Variants in SNAPC4 observed in about 807,000 individuals in gnomAD.
SNAPC4 encodes small nuclear RNA activating complex polypeptide 4, also known as snRNA-activating protein complex subunit 4.
A neutral mutation model predicts 151.3 loss-of-function variants in SNAPC4; 127 were observed. That is an observed-to-expected ratio of 0.84 (90% CI 0.73 to 0.97). SNAPC4 has a LOEUF of 0.97. SNAPC4 is among the 50% of genes least tolerant of loss of function. The probability of loss-of-function intolerance (pLI) is 0.00; values close to 1 mark genes in which losing one functional copy is unlikely to be tolerated. For missense variants in SNAPC4, 2,186 were observed against 1,935.0 expected, an observed-to-expected ratio of 1.13 and a Z score of -2.43; for synonymous variants, 1,002 against 824.4, an observed-to-expected ratio of 1.22 and a Z score of -3.69.
At chr9:136,386,338 CG>C (rs1255974928) in intron 13 of SNAPC4, among the ~76,000 whole-genome samples, 2 of 151,692 alleles carry the variant, frequency 1.3e-5, no homozygotes, top group Admixed American at 1.3e-4. Flanking sequence ...ATGGCTTTTT[CG>C]GGTGATGAAA....
rs769836349 is a variant in SNAPC4 at position 136,381,970 on chromosome 9, G to A, written c.2171C>T (p.Thr724Ile). ...TCTCCAGCGCCGCTGCCCACTCTGG[G>A]TGGCTCTGTGCCGTAGCCACTGCAC... The part of the protein sequence containing the change: ...SHVQWLRHRA[T>I]QSGQRRWRHA... Residue 724 changes from threonine to isoleucine, a missense_variant, in exon 18 of 24, where the codon ACC becomes ATC. Physicochemically the swap from Thr to Ile is moderately conservative, Grantham distance 89. Transcript: ENST00000684778. 3.4e-5 allele frequency: 54 copies of A among 1,611,674 alleles called. No homozygotes were observed. The highest frequency in any genetic ancestry group is 4.5e-5 in the Non-Finnish European group (53 of 1,179,838).
intron 13 of SNAPC4, among the ~76,000 whole-genome samples, 183 bp downstream of exon 13, chr9:136,387,302 G>A (rs1331792202): frequency 1.3e-5 from 2 of 152,182 alleles, no homozygotes; most frequent in Non-Finnish European, 2.9e-5. Flanking sequence ...AGCTCAGCCG[G>A]GCCAACCCTG....
Position 136,377,682 on chromosome 9 carries a change from G to T in SNAPC4, c.4145C>A (p.Ala1382Asp). Residue 1382 changes from alanine (A) to aspartate (D), a missense_variant, in exon 22 of 24, where the codon GCC (alanine) becomes GAC (aspartate). Transcript: ENST00000684778. ...GAGGGTGGTGCGGACGCCTTGGGGG[G>T]CCAGGGTGGCCAGGAGCGCAGGGAG... Reference protein sequence around the residue: ...FTLPALLATLAPQGVRTTLSV... With the variant: ...FTLPALLATLDPQGVRTTLSV... 1 of 1,607,806 alleles carries T rather than the reference G, an allele frequency of 6.2e-7. No individual in the cohort carries two copies. The highest frequency in any genetic ancestry group is 8.5e-7 in the Non-Finnish European group (1 of 1,176,740).
At chr9:136,381,517 AG>A in intron 18 of SNAPC4, 125 bp from the exon 19 acceptor site, 1 of 882,366 alleles carries the variant, frequency 1.1e-6, no homozygotes, top group South Asian at 1.5e-5. Context: ...CCAGGGTGGG[AG>A]GGGAGGCCTT....
chr9:136,390,840 A>T (rs75564867), intron 10 of SNAPC4, among the ~76,000 whole-genome samples: 3,581 of 145,442 alleles, frequency 0.025, 51 homozygotes, highest in African/African-American at 0.03. Context: ...TTATTTATTT[A>T]TTTTTTTTTT....
At position 136,397,040 on chromosome 9, in the gene SNAPC4, C is replaced by CAT. The variant is rs761803035; in HGVS notation, c.131-18_131-17insAT. The CAT allele has an allele frequency of 6.2e-7, 1 of 1,611,568 alleles. No individual in the cohort carries two copies. The highest frequency in any genetic ancestry group is 1.1e-5 in the South Asian group (1 of 91,040). On this transcript the variant is annotated splice_polypyrimidine_tract_variant and intron_variant, in intron 2 of 23. Transcript: ENST00000684778. ...GCAGTGAATCTGTCAGAAACACAAG[C>CAT]AACACCGTGTTGGTAACCAGCGTCT...
chr9:136,390,709 C>G (rs1834040811), intron 10 of SNAPC4, among the ~76,000 whole-genome samples: 1 of 151,632 alleles, frequency 6.6e-6, no homozygotes, highest in Admixed American at 6.6e-5. Context: ...ACACACAGCC[C>G]TGAACTCAAA....
At chr9:136,387,610 C>T in intron 12 of SNAPC4, 31 bp from the exon 13 acceptor site, 1 of 1,545,144 alleles carries the variant, frequency 6.5e-7, no homozygotes, top group Non-Finnish European at 9.0e-7. Context: ...ACAAGTGAAG[C>T]CTCTGCAGGT....
chr9:136,385,690 G>A (rs1437533555), intron 13 of SNAPC4, among the ~76,000 whole-genome samples: 27 of 151,936 alleles, frequency 1.8e-4, no homozygotes, highest in Admixed American at 1.8e-3. Flanking sequence ...CGAGTAGCTG[G>A]GATTACAGGT....
At position 136,383,601 on chromosome 9, in the gene SNAPC4, C is replaced by T; in HGVS notation, c.1568G>A (p.Ser523Asn). Residue 523 changes from serine to asparagine, a missense_variant, in exon 16 of 24, where the codon AGC (serine) becomes AAC (asparagine). Physicochemically the swap from Ser to Asn is conservative, Grantham distance 46 (BLOSUM62 1). Transcript: ENST00000684778. The surrounding 1 kb of genome is among the most constrained non-coding windows in gnomAD (Gnocchi z 4.2). Reference protein sequence around the residue: ...RHSVRWSSTSSSGSSSGSSGG... With the variant: ...RHSVRWSSTSNSGSSSGSSGG... ...ACTGCTGCCACTGCTGCTGCCGCTGCTGCTGGTAGAGCTCCACCGGACGCT... is the reference window on the plus strand; with the variant it reads ...ACTGCTGCCACTGCTGCTGCCGCTGTTGCTGGTAGAGCTCCACCGGACGCT... The T allele has an allele frequency of 6.2e-7, 1 of 1,612,156 alleles. No homozygotes were observed. The highest frequency in any genetic ancestry group is 8.5e-7 in the Non-Finnish European group (1 of 1,179,720).
chr9:136,397,060 G>A, intron 2 of SNAPC4, 37 bp from the exon 3 acceptor site: 1 of 1,596,824 alleles, frequency 6.3e-7, no homozygotes, highest in Non-Finnish European at 8.6e-7. Flanking sequence ...TTGGTAACCA[G>A]CGTCTTGGGC....
In SNAPC4 at chr9:136,395,317, T is replaced by C. The variant is rs1275122660; in HGVS notation, c.452A>G (p.Lys151Arg). Residue 151 changes from lysine to arginine, a missense_variant, in exon 5 of 24, where the codon AAG becomes AGG. Coordinates refer to ENST00000684778, the MANE Select transcript of SNAPC4 (RefSeq NM_003086.4). ...YMGHFMKPYF[K>R]DKVTGVGPPA... The stretch of plus-strand genomic sequence containing the variant: ...ACTCACCACGCCCGTGACCTTGTCC[T>C]TGAAATACGGCTTCATGAAGTGCCC... 1.2e-6 allele frequency: 2 copies of C among 1,613,586 alleles called. No homozygotes were observed. Among genetic ancestry groups the C allele is most frequent in the Admixed American group, 3.3e-5 (2 of 60,016 alleles).
Position 136,382,007 on chromosome 9 carries a change from C to T in SNAPC4, c.2134G>A (p.Ala712Thr), listed in dbSNP as rs1160255085. 1.2e-6 allele frequency: 2 copies of T among 1,609,580 alleles called. No homozygotes were observed. Among genetic ancestry groups the T allele is most frequent in the Admixed American group, 1.7e-5 (1 of 59,730 alleles). ...SPGVSSGDSV[A>T]RSHVQWLRHR... is the part of the protein sequence containing the mutation. The stretch of plus-strand genomic sequence containing the variant: ...CGTAGCCACTGCACATGGGATCGGG[C>T]CACGCTGTCACCAGAGCTGACCCCT... The change falls in exon 18 of 24, where the codon GCC (alanine) becomes ACC (threonine). Residue 712 changes from alanine (A) to threonine (T), a missense_variant. By Grantham distance (58) the Ala-to-Thr change is moderately conservative (BLOSUM62 0). Coordinates refer to ENST00000684778, the MANE Select transcript of SNAPC4 (RefSeq NM_003086.4).
At chr9:136,393,493 T>C (rs965981044) in intron 7 of SNAPC4, among the ~76,000 whole-genome samples, 2 of 152,226 alleles carry the variant, frequency 1.3e-5, no homozygotes, top group Non-Finnish European at 2.9e-5. Context: ...CAGCAGCGCC[T>C]TCTATCAAGT....
rs1342289116 is a variant in SNAPC4, at chr9:136,395,383, T to C, written c.386A>G (p.Lys129Arg). Residue 129 changes from lysine (K) to arginine (R), a missense_variant, in exon 5 of 24, where the codon AAG (lysine) becomes AGG (arginine). Physicochemically the swap from Lys to Arg is conservative, Grantham distance 26 (BLOSUM62 2). Transcript: ENST00000684778. ...GGGCAGGCTTTTGCCATCTTTCACCTTGGTGCCTTTGGACCCAGCCAGATC... is the reference window on the plus strand; with the variant it reads ...GGGCAGGCTTTTGCCATCTTTCACCCTGGTGCCTTTGGACCCAGCCAGATC... ...MRDLAGSKGT[K>R]VKDGKSLPPS... is the part of the protein sequence containing the mutation. The C allele has an allele frequency of 1.1e-5, 17 of 1,613,438 alleles. No homozygotes were observed. Among genetic ancestry groups the C allele is most frequent in the African/African-American group, 1.3e-5 (1 of 74,940 alleles).
chr9:136,396,862 A>G, intron 3 of SNAPC4, 115 bp downstream of exon 3: 1 of 804,578 alleles, frequency 1.2e-6, no homozygotes, highest in Non-Finnish European at 2.2e-6. Context: ...AACGTGAATC[A>G]TTTTTATAAT....
At chr9:136,382,213 A>C (rs1431866726) in intron 17 of SNAPC4, 40 bp downstream of exon 17, 2 of 1,606,152 alleles carry the variant, frequency 1.2e-6, no homozygotes, top group African/African-American at 2.7e-5. Flanking sequence ...AGGGCGGGGC[A>C]CGTGGTGGCG....
At position 136,392,051 on chromosome 9, in the gene SNAPC4, T is replaced by C; in HGVS notation, c.866A>G (p.His289Arg). 1 of 1,612,528 alleles carries C rather than the reference T, an allele frequency of 6.2e-7. No homozygotes were observed. Among genetic ancestry groups the C allele is most frequent in the Non-Finnish European group, 8.5e-7 (1 of 1,179,958 alleles). ...CCACTCCTGCTTGTTGATGCTGGGG[T>C]GCTCCGAGTTCTGCCAGAACTTCCG... ...EIRKFWQNSE[H>R]PSINKQEWSR... The change falls in exon 10 of 24, where the codon CAC becomes CGC. Residue 289 changes from histidine (H) to arginine (R), a missense_variant. Coordinates refer to ENST00000684778, the MANE Select transcript of SNAPC4 (RefSeq NM_003086.4).
intron 2 of SNAPC4, among the ~76,000 whole-genome samples, chr9:136,397,611 A>T (rs1325022631): frequency 1.2e-5 from 1 of 83,710 alleles, no homozygotes; most frequent in Non-Finnish European, 2.3e-5. Flanking sequence ...GCACATGGGG[A>T]GGGGAGCACG....
Sources: allele counts gnomAD v4.1 joint callset (sites outside exome capture counted in the v4.1 genomes callset), GRCh38; gene constraint gnomAD v4.1.1; non-coding constraint Gnocchi (gnomAD v3.1); transcripts MANE v1.5; gene names NCBI Gene and HGNC (gene_info 2026-07-23, HGNC 2026-07-21).